FBXO46: variants seen among roughly 807,000 people sequenced by gnomAD.
FBXO46 encodes F-box only protein 46.
FBXO46 carries 13 observed loss-of-function variants against 30.7 expected under a neutral mutation model. The ratio of observed to expected loss-of-function variants is 0.42; its 90% CI spans 0.28 to 0.67. FBXO46 has a LOEUF of 0.67. Among genes scored for constraint, FBXO46 ranks in the 30% least tolerant of loss-of-function variants. The pLI is 0.21. For synonymous variants in FBXO46, 467 were observed against 385.8 expected (o/e 1.21, Z -2.47); for missense variants, 754 against 871.5 (o/e 0.87, Z 1.70).
intron 1 of FBXO46, among the ~76,000 whole-genome samples, chr19:45,717,953 C>T (rs903916339): frequency 3.3e-5 from 5 of 152,118 alleles, no homozygotes; most frequent in Non-Finnish European, 7.3e-5. Flanking sequence ...GCCAGTTCAG[C>T]CTTTCCAAAC....
Position 45,711,398 on chromosome 19 carries a change from A to C in FBXO46, c.*286T>G. The C allele has an allele frequency of 1.7e-6, 1 of 595,750 alleles. No individual in the cohort carries two copies. The allele number at this position is 595,750 out of a possible 1,614,324, so 36.9% of individuals were successfully genotyped here. On this transcript the variant is annotated 3_prime_UTR_variant, in exon 2 of 2. Transcript: ENST00000317683. ...GGGTCCTTGGGGTGGAAAGCATGGC[A>C]GGGAGGGGGTTGGGGCTGAATGGAG...
chr19:45,721,052 CA>C (rs1968163822), intron 1 of FBXO46, among the ~76,000 whole-genome samples: 1 of 147,302 alleles, frequency 6.8e-6, no homozygotes, highest in South Asian at 2.1e-4. Context: ...CAGAATAAAC[CA>C]AACAAATAAG....
In FBXO46 at chr19:45,713,081, C is replaced by T; in HGVS notation, c.415G>A (p.Asp139Asn). The T allele has an allele frequency of 6.3e-7, 1 of 1,594,986 alleles. No homozygotes were observed. Among genetic ancestry groups the T allele is most frequent in the East Asian group, 2.2e-5 (1 of 44,754 alleles). ...GGGTCAGGAGGAGCCTTGGTGGGGT[C>T]AAGACAGCGCCTCCGCCGCTTGGCC... is the stretch of plus-strand genomic sequence containing the variant. ...SKAKRRRRCL[D>N]PTKAPPDPGG... The change falls in exon 2 of 2, where the codon GAC becomes AAC. Residue 139 changes from aspartate to asparagine, a missense_variant. Asp to Asn is a conservative substitution (Grantham distance 23). Coordinates refer to ENST00000317683, the MANE Select transcript of FBXO46 (RefSeq NM_001080469.2). This position sits in a 1 kb window ranked among gnomAD's most constrained non-coding sequence, Gnocchi z 4.7.
chr19:45,711,655 G>C lies in FBXO46; in HGVS notation c.*29C>G, dbSNP rs546592728. 1 of 1,496,274 alleles carries C rather than the reference G, an allele frequency of 6.7e-7. No homozygotes were observed. The highest frequency in any genetic ancestry group is 9.0e-7 in the Non-Finnish European group (1 of 1,111,568). The allele number at this position is 1,496,274 out of a possible 1,614,324, so 92.7% of individuals were successfully genotyped here. A position where few individuals can be genotyped will look rare whatever the true frequency, so the allele number is the denominator to read the frequency against. ...GGGGGGAGAGGGGAGGGGTGGGCGT[G>C]GTGGGCTCTCCCCTCCCCTCCCCCG... is the stretch of plus-strand genomic sequence containing the variant. On this transcript the variant is annotated 3_prime_UTR_variant, in exon 2 of 2. Coordinates refer to ENST00000317683, the MANE Select transcript of FBXO46 (RefSeq NM_001080469.2).
chr19:45,720,770 C>G (rs1014831716), intron 1 of FBXO46, among the ~76,000 whole-genome samples: 3 of 152,040 alleles, frequency 2.0e-5, no homozygotes, highest in African/African-American at 4.8e-5. Flanking sequence ...AACTTAGAAT[C>G]AAAGATCAGC....
intron 1 of FBXO46, chr19:45,717,441 C>A (rs1349225084): frequency 6.6e-6 from 1 of 152,282 alleles, no homozygotes; most frequent in African/African-American, 2.4e-5. Context: ...CAATGAGCGG[C>A]CGCCATTCGG....
chr19:45,723,204 C>A (rs1968196883), intron 1 of FBXO46, among the ~76,000 whole-genome samples: 2 of 152,122 alleles, frequency 1.3e-5, no homozygotes, highest in Non-Finnish European at 2.9e-5. Context: ...GAGACCACAT[C>A]TCTAAAATAA....
intron 1 of FBXO46, chr19:45,714,254 A>C (rs1473654452): frequency 1.3e-5 from 2 of 152,188 alleles, no homozygotes; most frequent in African/African-American, 4.8e-5. Context: ...AAAAGACAGA[A>C]ATTCCCAGCC....
rs74398580 is a variant in FBXO46, at chr19:45,713,583, C to T, written c.-78-10G>A. ...AGGCTCCACATGCCACCTGGAGACA[C>T]GAAGAGGAGGTTGGGGAGCTAGGGG... On this transcript the variant is annotated splice_polypyrimidine_tract_variant and intron_variant, in intron 1 of 1. Transcript: ENST00000317683. This position sits in a 1 kb window ranked among gnomAD's most constrained non-coding sequence, Gnocchi z 4.7. 31,993 of 1,129,846 alleles carry T rather than the reference C, an allele frequency of 0.028. 640 individuals carry two copies. Among genetic ancestry groups the T allele is most frequent in the African/African-American group, 0.078 (5,019 of 64,000 alleles). 70.0% of individuals were successfully genotyped at this position (1,129,846 alleles called of 1,614,324 possible). A position where few individuals can be genotyped will look rare whatever the true frequency, so the allele number is the denominator to read the frequency against.
Position 45,711,498 on chromosome 19 carries a change from G to A in FBXO46, c.*186C>T, listed in dbSNP as rs1486484904. ...TCCACGGCCCTGGTTCTGAAGAGTA[G>A]AAAATCAACAGGATCAAGCAGAGGG... On this transcript the variant is annotated 3_prime_UTR_variant, in exon 2 of 2. Transcript: ENST00000317683. 5.7e-6 allele frequency: 4 copies of A among 702,204 alleles called. No individual in the cohort carries two copies. The South Asian group carries it at 6.0e-5, about 11-fold the overall frequency. 43.5% of individuals were successfully genotyped at this position (702,204 alleles called of 1,614,324 possible). A position where few individuals can be genotyped will look rare whatever the true frequency, so the allele number is the denominator to read the frequency against.
intron 1 of FBXO46, among the ~76,000 whole-genome samples, chr19:45,727,484 G>A (rs1186769915): frequency 5.3e-5 from 8 of 151,842 alleles, no homozygotes; most frequent in Non-Finnish European, 1.0e-4. Flanking sequence ...ATTTGAACCC[G>A]GGAGGCGGAG....
intron 1 of FBXO46, among the ~76,000 whole-genome samples, chr19:45,719,207 C>T (rs1044282304): frequency 6.6e-6 from 1 of 151,986 alleles, no homozygotes; most frequent in Non-Finnish European, 1.5e-5. Context: ...TCAGATCAGG[C>T]CACTGCACTC....
Position 45,713,693 on chromosome 19 carries a change from C to T in FBXO46, c.-78-120G>A, listed in dbSNP as rs750431965. On this transcript the variant is annotated intron_variant, in intron 1 of 1. Coordinates refer to ENST00000317683, the MANE Select transcript of FBXO46 (RefSeq NM_001080469.2). This position sits in a 1 kb window ranked among gnomAD's most constrained non-coding sequence, Gnocchi z 4.7. ...ATCAAGAACTCTATTCCTGGCTGGG[C>T]GCGGTGGCTCACGCCTGTAATCCCA... The T allele has an allele frequency of 1.7e-4, 87 of 500,786 alleles. No individual in the cohort carries two copies. Among genetic ancestry groups the T allele is most frequent in the South Asian group, 4.6e-4 (13 of 28,240 alleles). The allele number at this position is 500,786 out of a possible 1,614,324, so 31.0% of individuals were successfully genotyped here. A position where few individuals can be genotyped will look rare whatever the true frequency, so the allele number is the denominator to read the frequency against.
Position 45,712,759 on chromosome 19 carries a change from A to G in FBXO46, c.737T>C (p.Leu246Pro). 2 of 1,611,040 alleles carry G rather than the reference A, an allele frequency of 1.2e-6. No individual in the cohort carries two copies. The highest frequency in any genetic ancestry group is 1.7e-6 in the Non-Finnish European group (2 of 1,178,530). ...TGGCCCGGGCCGCTCTTCCTTGCGG[A>G]GGCCCTTGGTGGGAGGGCTGTCCCT... ...AQRDSPPTKG[L>P]RKEERPGPGP... is the part of the protein sequence containing the mutation. Residue 246 changes from leucine (L) to proline (P), a missense_variant, in exon 2 of 2, where the codon CTC becomes CCC. Leu to Pro is a moderately conservative substitution (Grantham distance 98, BLOSUM62 -3). Around this residue, in one of 5 missense-constraint regions of FBXO46, gnomAD observed 454 missense variants for 426.5 expected, o/e 1.06. Transcript: ENST00000317683. This position sits in a 1 kb window ranked among gnomAD's most constrained non-coding sequence, Gnocchi z 8.8.
In FBXO46 at chr19:45,713,605, G is replaced by T; in HGVS notation, c.-78-32C>A. On this transcript the variant is annotated intron_variant, in intron 1 of 1. Coordinates refer to ENST00000317683, the MANE Select transcript of FBXO46 (RefSeq NM_001080469.2). The surrounding 1 kb of genome is among the most constrained non-coding windows in gnomAD (Gnocchi z 4.7). ...ACACGAAGAGGAGGTTGGGGAGCTA[G>T]GGGGACAGCCTTTCTTCCCAGGACC... 1.1e-6 allele frequency: 1 copy of T among 899,648 alleles called. No individual in the cohort carries two copies. Among genetic ancestry groups the T allele is most frequent in the Non-Finnish European group, 1.7e-6 (1 of 598,956 alleles). The allele number at this position is 899,648 out of a possible 1,614,324, so 55.7% of individuals were successfully genotyped here. A position where few individuals can be genotyped will look rare whatever the true frequency, so the allele number is the denominator to read the frequency against.
intron 1 of FBXO46, among the ~76,000 whole-genome samples, chr19:45,728,784 CATG>C (rs1896370242): frequency 6.6e-6 from 1 of 152,120 alleles, no homozygotes; most frequent in Admixed American, 6.5e-5. Flanking sequence ...TGCAGTGAGT[CATG>C]ATTGCGCCAC....
chr19:45,728,133 G>C (rs1968263573), intron 1 of FBXO46, among the ~76,000 whole-genome samples: 1 of 152,224 alleles, frequency 6.6e-6, no homozygotes, highest in South Asian at 2.1e-4. Flanking sequence ...TGTTGGCCAG[G>C]CTGGTCTTGA....
chr19:45,718,457 T>A (rs1968130134), intron 1 of FBXO46, among the ~76,000 whole-genome samples: 1 of 152,078 alleles, frequency 6.6e-6, no homozygotes. Flanking sequence ...AGGTCAGGCT[T>A]CACCCAGGGC....
chr19:45,711,330 C>T lies in FBXO46; in HGVS notation c.*354G>A, dbSNP rs753129138. 3 of 484,906 alleles carry T rather than the reference C, an allele frequency of 6.2e-6. No homozygotes were observed. Among genetic ancestry groups the T allele is most frequent in the Non-Finnish European group, 1.2e-5 (3 of 253,716 alleles). The allele number at this position is 484,906 out of a possible 1,614,324, so 30.0% of individuals were successfully genotyped here. On this transcript the variant is annotated 3_prime_UTR_variant, in exon 2 of 2. Coordinates refer to ENST00000317683, the MANE Select transcript of FBXO46 (RefSeq NM_001080469.2). ...GGATGGGGGCCAGAATGGGGGGACCCTTAAGTGGTACCAAAATTAGCTGCC... is the reference window on the plus strand; with the variant it reads ...GGATGGGGGCCAGAATGGGGGGACCTTTAAGTGGTACCAAAATTAGCTGCC...
Sources: gnomAD v4.1 joint callset for allele counts (sites outside exome capture counted in the v4.1 genomes callset) on GRCh38, gnomAD v4.1.1 for gene constraint, gnomAD v4.1.1 regional missense constraint, Gnocchi (gnomAD v3.1) non-coding constraint, MANE v1.5 for transcripts, NCBI Gene and HGNC (gene_info 2026-07-23, HGNC 2026-07-21) for gene names.